CNTNAP2: variants seen among roughly 807,000 people sequenced by gnomAD.
The protein encoded by CNTNAP2 is contactin-associated protein-like 2.
CNTNAP2 carries 98 observed loss-of-function variants against 155.2 expected under a neutral mutation model. The ratio of observed to expected loss-of-function variants is 0.63; its 90% CI spans 0.54 to 0.75. The LOEUF (loss-of-function observed/expected upper bound fraction) is 0.75. Ranked by LOEUF, CNTNAP2 falls within the 30% of genes least tolerant of loss-of-function variation. The pLI, the probability that CNTNAP2 is intolerant of heterozygous loss-of-function variation, is 0.00. For missense variants in CNTNAP2, 1,727 were observed against 1,688.1 expected (o/e 1.02, Z -0.40); for synonymous variants, 651 against 631.2 (o/e 1.03, Z -0.47).
At chr7:146,350,807 A>G (rs1374334912) in intron 1 of CNTNAP2, among the ~76,000 whole-genome samples, 8 of 152,130 alleles carry the variant, frequency 5.3e-5, no homozygotes, top group African/African-American at 1.9e-4. Context: ...AGACTGGATT[A>G]AGAAAATGTG....
intron 1 of CNTNAP2, among the ~76,000 whole-genome samples, chr7:146,480,931 C>T (rs1001146589): frequency 6.6e-6 from 1 of 151,928 alleles, no homozygotes; most frequent in African/African-American, 2.4e-5. Flanking sequence ...CCGCCCGCCT[C>T]GGCCTCCCAA....
chr7:148,216,030 G>A lies in CNTNAP2; in HGVS notation c.3011-1258G>A, dbSNP rs185495836. On this transcript the variant is annotated intron_variant, in intron 18 of 23. Transcript: ENST00000361727. ...TTAACGGTTGCATGGGCGATGGAGT[G>A]TGGGAAATGCTTTCAGCAAGGCCCT... Among the ~76,000 whole-genome samples, 27 of 152,348 alleles carry A rather than the reference G, an allele frequency of 1.8e-4. No individual in the cohort carries two copies. In the East Asian group the frequency reaches 4.2e-3, roughly 24 times the overall value.
intron 1 of CNTNAP2, among the ~76,000 whole-genome samples, chr7:146,160,671 A>G (rs1798205627): frequency 6.6e-6 from 1 of 152,196 alleles, no homozygotes; most frequent in Non-Finnish European, 1.5e-5. Flanking sequence ...GAATCCCTGA[A>G]TAGACCAATA....
chr7:147,737,647 G>C (rs898455664), intron 13 of CNTNAP2, among the ~76,000 whole-genome samples: 5 of 152,314 alleles, frequency 3.3e-5, no homozygotes, highest in Admixed American at 2.0e-4. Flanking sequence ...AGGCCTTCTT[G>C]AGCTGCAGTG....
At chr7:148,414,752 T>G (rs1179777167) in intron 23 of CNTNAP2, 1 of 153,236 alleles carries the variant, frequency 6.5e-6, no homozygotes, top group African/African-American at 2.4e-5. Flanking sequence ...GCAAACACCT[T>G]CAGCATGACC....
rs1799885956 is a variant in CNTNAP2 at position 147,902,493 on chromosome 7, T to G, written c.2099-1072T>G. On this transcript the variant is annotated intron_variant, in intron 13 of 23. Coordinates refer to ENST00000361727, the MANE Select transcript of CNTNAP2 (RefSeq NM_014141.6). ...TCTTTAGTGGTGATTTATGAGATTTTGGTGCACCCATCACCCAAGAAGTAT... is the reference window on the plus strand; with the variant it reads ...TCTTTAGTGGTGATTTATGAGATTTGGGTGCACCCATCACCCAAGAAGTAT... 2.0e-5 allele frequency among the ~76,000 whole-genome samples: 3 copies of G among 152,290 alleles called. No individual in the cohort carries two copies. The South Asian group carries it at 6.2e-4, about 32-fold the overall frequency.
At chr7:147,141,491 C>T (rs1257826087) in intron 8 of CNTNAP2, among the ~76,000 whole-genome samples, 1 of 151,944 alleles carries the variant, frequency 6.6e-6, no homozygotes, top group Non-Finnish European at 1.5e-5. Flanking sequence ...GGTTTTAAGC[C>T]ATTTAATGCT....
chr7:146,197,563 A>G (rs1005178145), intron 1 of CNTNAP2, among the ~76,000 whole-genome samples: 1 of 152,178 alleles, frequency 6.6e-6, no homozygotes, highest in African/African-American at 2.4e-5. Flanking sequence ...TGCAGGTTTA[A>G]TTACAGGATC....
rs552143807 is a variant in CNTNAP2, at chr7:146,448,277, A to G, written c.98-325994A>G. Among the ~76,000 whole-genome samples, 9 of 152,152 alleles carry G rather than the reference A, an allele frequency of 5.9e-5. No homozygotes were observed. In the South Asian group the frequency reaches 1.7e-3, roughly 28 times the overall value. On this transcript the variant is annotated intron_variant, in intron 1 of 23. Coordinates refer to ENST00000361727, the MANE Select transcript of CNTNAP2 (RefSeq NM_014141.6). ...ACAGAAAAGTAATGACAATTTTCTA[A>G]GACAAAACAGCTTGTCATTCCATAA...
intron 3 of CNTNAP2, among the ~76,000 whole-genome samples, chr7:146,864,388 A>G (rs1166783001): frequency 6.6e-6 from 1 of 152,202 alleles, no homozygotes; most frequent in Non-Finnish European, 1.5e-5. Context: ...TCATAAAATG[A>G]CAAAGTGTTC....
intron 1 of CNTNAP2, among the ~76,000 whole-genome samples, chr7:146,366,877 T>C (rs1795163110): frequency 6.6e-6 from 1 of 152,156 alleles, no homozygotes; most frequent in South Asian, 2.1e-4. Flanking sequence ...ATAAATTTCA[T>C]AGATAATCCC....
intron 1 of CNTNAP2, among the ~76,000 whole-genome samples, chr7:146,369,012 T>A (rs1000275769): frequency 1.4e-5 from 2 of 142,314 alleles, no homozygotes; most frequent in Non-Finnish European, 3.0e-5. Context: ...AAATAAAATT[T>A]GGAATAAAAG....
At position 147,395,464 on chromosome 7, in the gene CNTNAP2, T is replaced by G. The variant is rs182233755; in HGVS notation, c.1499-145T>G. 4.0e-5 allele frequency: 32 copies of G among 794,590 alleles called. No individual in the cohort carries two copies. The Admixed American group carries it at 6.7e-4, about 17-fold the overall frequency. 49.2% of individuals were successfully genotyped at this position (794,590 alleles called of 1,614,324 possible). ...ATCTCACTTTCTCAAAAAACTTCCTTTTTCTACACTGAATATAACATCAGC... is the reference window on the plus strand; with the variant it reads ...ATCTCACTTTCTCAAAAAACTTCCTGTTTCTACACTGAATATAACATCAGC... On this transcript the variant is annotated intron_variant, in intron 9 of 23. Transcript: ENST00000361727.
intron 3 of CNTNAP2, among the ~76,000 whole-genome samples, chr7:146,977,873 T>C (rs1197259340): frequency 6.6e-6 from 1 of 152,114 alleles, no homozygotes; most frequent in Non-Finnish European, 1.5e-5. Flanking sequence ...GGAAGAGAGA[T>C]AAGTAAATAA....
intron 2 of CNTNAP2, among the ~76,000 whole-genome samples, chr7:146,816,761 G>A (rs1803178881): frequency 6.6e-6 from 1 of 152,098 alleles, no homozygotes; most frequent in African/African-American, 2.4e-5. Context: ...GTCATGCCCT[G>A]GGTCAACATA....
chr7:146,547,894 C>T (rs1260455974), intron 1 of CNTNAP2, among the ~76,000 whole-genome samples: 3 of 151,232 alleles, frequency 2.0e-5, no homozygotes, highest in African/African-American at 7.3e-5. Context: ...GCAGCTGCAC[C>T]ATTTTGCATT....
intron 8 of CNTNAP2, among the ~76,000 whole-genome samples, chr7:147,234,037 T>TAAAAAAAAAAAAAAAAAAAAAAAAA (rs397791358): frequency 7.5e-6 from 1 of 133,532 alleles, no homozygotes; most frequent in Non-Finnish European, 1.6e-5. Flanking sequence ...CTATCCACAG[T>TAAAAAAAAAAAAAAAAAAAAAAAAA]AAAAAAAAAA....
chr7:147,608,328 A>G (rs188397987), intron 12 of CNTNAP2, among the ~76,000 whole-genome samples: 2 of 152,200 alleles, frequency 1.3e-5, no homozygotes, highest in African/African-American at 4.8e-5. Context: ...GTAAAGGTCA[A>G]ATTCCACAGG....
intron 9 of CNTNAP2, among the ~76,000 whole-genome samples, chr7:147,309,116 T>C (rs1795079656): frequency 6.6e-6 from 1 of 152,214 alleles, no homozygotes; most frequent in African/African-American, 2.4e-5. Flanking sequence ...CCAACAATAC[T>C]ACTGGGGTTG....
Sources: gnomAD v4.1 joint callset for allele counts (sites outside exome capture counted in the v4.1 genomes callset) on GRCh38, gnomAD v4.1.1 for gene constraint, MANE v1.5 for transcripts, NCBI Gene and HGNC (gene_info 2026-07-23, HGNC 2026-07-21) for gene names.